The following CCDC144A variants were observed in gnomAD, a reference collection of about 807,000 sequenced individuals.
CCDC144A encodes coiled-coil domain containing 144A.
A neutral mutation model predicts 143.8 loss-of-function variants in CCDC144A; 41 were observed. The ratio of observed to expected loss-of-function variants is 0.29; its 90% CI spans 0.22 to 0.37. The LOEUF (loss-of-function observed/expected upper bound fraction) is 0.37, where lower values mean the gene tolerates loss of function less well. Ranked by LOEUF, CCDC144A falls within the 10% of genes least tolerant of loss-of-function variation. The pLI is 1.00. For synonymous variants in CCDC144A, 242 were observed against 517.9 expected (o/e 0.47, Z 7.23); for missense variants, 637 against 1,488.8 (o/e 0.43, Z 9.41).
intron 2 of CCDC144A, among the ~76,000 whole-genome samples, chr17:16,695,857 ATGTGGGCAGAAGATTGTG>A: frequency 6.6e-6 from 1 of 152,302 alleles, no homozygotes; most frequent in South Asian, 2.1e-4. Flanking sequence ...CAGAAGGATG[ATGTGGGCAGAAGATTGTG>A]TGTTTGGCAG....
At chr17:16,709,976 T>A (rs1597545201) in intron 5 of CCDC144A, 2 of 266,598 alleles carry the variant, frequency 7.5e-6, no homozygotes, top group East Asian at 2.1e-4. Context: ...TTTTACCGAC[T>A]TAAAGATGAG....
chr17:16,761,053 C>G (rs1230544890), intron 12 of CCDC144A, among the ~76,000 whole-genome samples: 5 of 150,200 alleles, frequency 3.3e-5, no homozygotes, highest in African/African-American at 1.2e-4. Context: ...TTTGGCTGGG[C>G]GCGGTGGCTC....
At chr17:16,670,065 C>T in the CCDC144A span, among the ~76,000 whole-genome samples, 2 of 151,700 alleles carry the variant, frequency 1.3e-5, no homozygotes, top group African/African-American at 4.8e-5. Context: ...CCTGTAATCC[C>T]AGCTACTCTG....
At chr17:16,733,515 A>G (rs1250608124) in intron 11 of CCDC144A, among the ~76,000 whole-genome samples, 11 of 150,598 alleles carry the variant, frequency 7.3e-5, no homozygotes, top group East Asian at 5.8e-4. Context: ...AAAAAAAAAA[A>G]AAAAGAAAAG....
At chr17:16,719,567 C>G (rs1331779946) in intron 6 of CCDC144A, among the ~76,000 whole-genome samples, 1 of 152,208 alleles carries the variant, frequency 6.6e-6, no homozygotes, top group Non-Finnish European at 1.5e-5. Flanking sequence ...GGGTCTGCTA[C>G]TGACCAGCTA....
At chr17:16,671,420 GT>G in the CCDC144A span, among the ~76,000 whole-genome samples, 316 of 152,190 alleles carry the variant, frequency 2.1e-3, 2 homozygotes, top group African/African-American at 7.4e-3. Context: ...TGTAAGTTCT[GT>G]GTCCTGCTCT....
intron 15 of CCDC144A, among the ~76,000 whole-genome samples, chr17:16,770,925 T>G (rs1915802130): frequency 6.6e-6 from 1 of 152,130 alleles, no homozygotes; most frequent in Non-Finnish European, 1.5e-5. Context: ...ATAAAGCCTA[T>G]CTATAATGTT....
Position 16,751,343 on chromosome 17 carries a change from TCA to T in CCDC144A, c.3373-10079_3373-10078del, listed in dbSNP as rs527605332. 1.5e-3 allele frequency among the ~76,000 whole-genome samples: 223 copies of T among 152,324 alleles called. 2 individuals are homozygous for T. The highest frequency in any genetic ancestry group is 5.3e-3 in the African/African-American group (220 of 41,566). On this transcript the variant is annotated intron_variant, in intron 12 of 16. Transcript: ENST00000399273. ...TGTGGCTACTTTCCTGCATTGGGTT[TCA>T]CAGATGTGTGTTGAAGGTATATAAT...
At chr17:16,715,862 G>T (rs1319539216) in intron 6 of CCDC144A, among the ~76,000 whole-genome samples, 1 of 152,202 alleles carries the variant, frequency 6.6e-6, no homozygotes, top group African/African-American at 2.4e-5. Context: ...ACACTCCCAG[G>T]CTTGTGGATT....
intron 6 of CCDC144A, chr17:16,712,045 A>C (rs1912481205): frequency 1.7e-6 from 1 of 577,276 alleles, no homozygotes. Flanking sequence ...CAAGAGAATC[A>C]TTTGAACCTG....
chr17:16,668,326 T>C, the CCDC144A span, among the ~76,000 whole-genome samples: 1 of 152,218 alleles, frequency 6.6e-6, no homozygotes, highest in Non-Finnish European at 1.5e-5. Context: ...AAATATACTT[T>C]AGTCACTTAT....
intron 12 of CCDC144A, among the ~76,000 whole-genome samples, chr17:16,749,552 A>T (rs942222350): frequency 1.5e-4 from 23 of 152,312 alleles, no homozygotes; most frequent in Non-Finnish European, 2.4e-4. Flanking sequence ...GATGAGAAAA[A>T]AGTGTATTCT....
chr17:16,713,365 T>C (rs1912558331), intron 6 of CCDC144A, among the ~76,000 whole-genome samples: 1 of 151,902 alleles, frequency 6.6e-6, no homozygotes, highest in Non-Finnish European at 1.5e-5. Context: ...TTATCCTTTC[T>C]TTTAAAAGAT....
chr17:16,745,531 C>T (rs940376384), intron 12 of CCDC144A: 2 of 1,260,884 alleles, frequency 1.6e-6, no homozygotes, highest in East Asian at 2.5e-5. Flanking sequence ...TTCCAGTTTC[C>T]TGGTAAGGAA....
chr17:16,728,174 T>C (rs1232574589), intron 9 of CCDC144A, among the ~76,000 whole-genome samples: 1 of 152,170 alleles, frequency 6.6e-6, no homozygotes, highest in East Asian at 1.9e-4. Context: ...TAGTTGGGAC[T>C]CCAGGTGCAC....
rs895404347 is a variant in CCDC144A at position 16,690,326 on chromosome 17, G to A, written c.-75G>A. On this transcript the variant is annotated 5_prime_UTR_variant, in exon 1 of 17. Coordinates refer to ENST00000399273, the MANE Select transcript of CCDC144A (RefSeq NM_001382000.1). Reference sequence around the variant, plus strand: ...CTTGGCTTGGCATTTCTGGCTTGGCGGTCCTCCTTTCGCAGATTGGAAACC... The same window carrying A: ...CTTGGCTTGGCATTTCTGGCTTGGCAGTCCTCCTTTCGCAGATTGGAAACC... 36 of 1,197,610 alleles carry A rather than the reference G, an allele frequency of 3.0e-5. No individual in the cohort carries two copies. Among genetic ancestry groups the A allele is most frequent in the African/African-American group, 1.8e-4 (12 of 64,962 alleles). The allele number at this position is 1,197,610 out of a possible 1,614,324, so 74.2% of individuals were successfully genotyped here.
chr17:16,732,238 A>AT (rs1347833232), intron 10 of CCDC144A, among the ~76,000 whole-genome samples: 202 of 139,776 alleles, frequency 1.4e-3, no homozygotes, highest in African/African-American at 5.0e-3. Flanking sequence ...TCATTTACAC[A>AT]TTTTTTATGT....
intron 16 of CCDC144A, among the ~76,000 whole-genome samples, chr17:16,772,224 T>G (rs1226417885): frequency 1.3e-5 from 2 of 152,142 alleles, no homozygotes; most frequent in Non-Finnish European, 2.9e-5. Flanking sequence ...TTCCATAGCT[T>G]GAAAAAAATA....
At chr17:16,686,645 A>C (rs1910791005), upstream of CCDC144A, among the ~76,000 whole-genome samples, 1 of 151,614 alleles carries the variant, frequency 6.6e-6, no homozygotes, top group South Asian at 2.1e-4. Context: ...TGACTCCACA[A>C]AAAAAAATTG....
Sources: allele counts gnomAD v4.1 joint callset (sites outside exome capture counted in the v4.1 genomes callset), GRCh38; gene constraint gnomAD v4.1.1; transcripts MANE v1.5; gene names NCBI Gene and HGNC (gene_info 2026-07-23, HGNC 2026-07-21).